Variants in GAS6 observed in about 807,000 individuals in gnomAD.
GAS6 encodes the protein growth arrest-specific protein 6.
In GAS6, 41 loss-of-function variants were observed where a neutral mutation model predicts 75.8. The observed-to-expected ratio is 0.54, with a 90% confidence interval of 0.42 to 0.70. GAS6 has a LOEUF of 0.70. Ranked by LOEUF, GAS6 falls within the 30% of genes least tolerant of loss-of-function variation. The pLI, the probability that GAS6 is intolerant of heterozygous loss-of-function variation, is 0.00. For missense variants in GAS6, 854 were observed against 940.2 expected, an observed-to-expected ratio of 0.91 and a Z score of 1.20; for synonymous variants, 432 against 412.6, an observed-to-expected ratio of 1.05 and a Z score of -0.57.
chr13:113,863,778 G>C lies in GAS6; in HGVS notation c.89-37C>G, dbSNP rs989732810. 7.0e-7 allele frequency: 1 copy of C among 1,428,524 alleles called. No individual in the cohort carries two copies. Among genetic ancestry groups the C allele is most frequent in the Non-Finnish European group, 9.1e-7 (1 of 1,101,938 alleles). 88.5% of individuals were successfully genotyped at this position (1,428,524 alleles called of 1,614,324 possible). A position where few individuals can be genotyped will look rare whatever the true frequency, so the allele number is the denominator to read the frequency against. Reference sequence around the variant, plus strand: ...GAGAGAGGGGGACGCGTCAAGCCGCGCCCGGAGCCTCCTCCCGCCGCCCGG... The same window carrying C: ...GAGAGAGGGGGACGCGTCAAGCCGCCCCCGGAGCCTCCTCCCGCCGCCCGG... On this transcript the variant is annotated intron_variant, in intron 1 of 14. Coordinates refer to ENST00000327773, the MANE Select transcript of GAS6 (RefSeq NM_000820.4). The surrounding 1 kb of genome is among the most constrained non-coding windows in gnomAD (Gnocchi z 9.4).
chr13:113,855,495 C>T (rs1038376345), intron 2 of GAS6, among the ~76,000 whole-genome samples: 1 of 152,204 alleles, frequency 6.6e-6, no homozygotes, highest in Admixed American at 6.5e-5. Flanking sequence ...ACGGCCTCTC[C>T]GGATCCACGG....
At chr13:113,851,230 G>C (rs1019033268) in intron 2 of GAS6, among the ~76,000 whole-genome samples, 1 of 151,844 alleles carries the variant, frequency 6.6e-6, no homozygotes, top group African/African-American at 2.4e-5. Context: ...TGGATGGATG[G>C]ATGAATGAAT....
At chr13:113,859,543 T>A (rs2051953748) in intron 2 of GAS6, among the ~76,000 whole-genome samples, 1 of 151,978 alleles carries the variant, frequency 6.6e-6, no homozygotes, top group Non-Finnish European at 1.5e-5. Flanking sequence ...TGTCTGTCAG[T>A]GTGTGTGTGT....
Position 113,848,069 on chromosome 13 carries a change from A to C in GAS6, c.256-19T>G. On this transcript the variant is annotated intron_variant, in intron 2 of 14. Transcript: ENST00000327773. The surrounding 1 kb of genome is among the most constrained non-coding windows in gnomAD (Gnocchi z 4.8). ...AATAATCCTGTGGAAAAAGAAAAAG[A>C]AAAGGCAAGCATTGACCGGCACACT... The C allele has an allele frequency of 6.2e-7, 1 of 1,612,546 alleles. No homozygotes were observed. Among genetic ancestry groups the C allele is most frequent in the Non-Finnish European group, 8.5e-7 (1 of 1,179,406 alleles).
intron 12 of GAS6, 65 bp from the exon 13 acceptor site, chr13:113,823,615 C>T: frequency 6.7e-7 from 1 of 1,493,120 alleles, no homozygotes; most frequent in Non-Finnish European, 9.1e-7. Flanking sequence ...GAGGTCGGAG[C>T]AGGGCCTCGA....
chr13:113,844,131 G>A lies in GAS6; in HGVS notation c.343+2396C>T, dbSNP rs1246026380. On this transcript the variant is annotated intron_variant, in intron 4 of 14. Coordinates refer to ENST00000327773, the MANE Select transcript of GAS6 (RefSeq NM_000820.4). This position sits in a 1 kb window ranked among gnomAD's most constrained non-coding sequence, Gnocchi z 5.7. ...CTCTGAGGGCCGGCTCAGGGAGAGT[G>A]GCCGGAGCTTCTGGCCTGGGGCAGG... 2 of 150,830 alleles carry A rather than the reference G, an allele frequency of 1.3e-5. No individual in the cohort carries two copies. Among genetic ancestry groups the A allele is most frequent in the African/African-American group, 5.0e-5 (2 of 40,194 alleles). 9.3% of individuals were successfully genotyped at this position (150,830 alleles called of 1,614,324 possible). A position where few individuals can be genotyped will look rare whatever the true frequency, so the allele number is the denominator to read the frequency against.
At position 113,837,906 on chromosome 13, in the gene GAS6, G is replaced by GTGC. The variant is rs1191319974; in HGVS notation, c.589+160_589+162dup. On this transcript the variant is annotated intron_variant, in intron 6 of 14. Coordinates refer to ENST00000327773, the MANE Select transcript of GAS6 (RefSeq NM_000820.4). The surrounding 1 kb of genome is among the most constrained non-coding windows in gnomAD (Gnocchi z 5.1). The stretch of plus-strand genomic sequence containing the variant: ...CTGGTGTGGTGCCGAGCAGCTCCCT[G>GTGC]TGCTGCGGCTGGCCTGGGCTTGTGT... Among the ~76,000 whole-genome samples, 1 of 152,142 alleles carries GTGC rather than the reference G, an allele frequency of 6.6e-6. No homozygotes were observed. The highest frequency in any genetic ancestry group is 1.5e-5 in the Non-Finnish European group (1 of 68,004).
At position 113,820,656 on chromosome 13, in the gene GAS6, G is replaced by T. The variant is rs776131229; in HGVS notation, c.*208C>A. The T allele has an allele frequency of 4.0e-4, 233 of 580,910 alleles. No individual in the cohort carries two copies. Among genetic ancestry groups the T allele is most frequent in the Non-Finnish European group, 6.6e-4 (218 of 328,666 alleles). The allele number at this position is 580,910 out of a possible 1,614,324, so 36.0% of individuals were successfully genotyped here. On this transcript the variant is annotated 3_prime_UTR_variant, in exon 15 of 15. Transcript: ENST00000327773. ...ATTTTCTTCGAGCCCGCTCTGCGCT[G>T]CGCCGGCCTCCCCGCGCCCGGGCCC...
At chr13:113,824,079 C>A (rs2051498845) in intron 12 of GAS6, among the ~76,000 whole-genome samples, 1 of 151,036 alleles carries the variant, frequency 6.6e-6, no homozygotes, top group South Asian at 2.1e-4. Flanking sequence ...GGTCTGGGGT[C>A]TGAGCTGTCA....
At chr13:113,861,604 A>C (rs1280086317) in intron 2 of GAS6, among the ~76,000 whole-genome samples, 1 of 152,152 alleles carries the variant, frequency 6.6e-6, no homozygotes, top group Non-Finnish European at 1.5e-5. Flanking sequence ...GGGTCTCCCA[A>C]GAGTGTGGCA....
chr13:113,853,330 T>C (rs1182866354), intron 2 of GAS6, among the ~76,000 whole-genome samples: 1 of 152,186 alleles, frequency 6.6e-6, no homozygotes, highest in African/African-American at 2.4e-5. Context: ...AGCCAGGGGA[T>C]TAAGGGCACG....
rs1489036301 is a variant in GAS6 at position 113,823,858 on chromosome 13, G to T, written c.1478-308C>A. Among the ~76,000 whole-genome samples, 8 of 150,064 alleles carry T rather than the reference G, an allele frequency of 5.3e-5. No individual in the cohort carries two copies. The East Asian group carries it at 1.5e-3, about 29-fold the overall frequency. ...ACAGGCTGTGCACCATGGGACGCAGGCCTGTCCCTGCCTCCCTCCGATGTC... is the reference window on the plus strand; with the variant it reads ...ACAGGCTGTGCACCATGGGACGCAGTCCTGTCCCTGCCTCCCTCCGATGTC... On this transcript the variant is annotated intron_variant, in intron 12 of 14. Coordinates refer to ENST00000327773, the MANE Select transcript of GAS6 (RefSeq NM_000820.4).
chr13:113,821,445 T>A (rs1469256474), intron 14 of GAS6: 2 of 231,014 alleles, frequency 8.7e-6, no homozygotes, highest in Admixed American at 5.0e-5. Context: ...AGCCGAGGAC[T>A]TGCCGGCTCC....
At chr13:113,831,322 C>A (rs2051627481) in intron 10 of GAS6, among the ~76,000 whole-genome samples, 1 of 152,186 alleles carries the variant, frequency 6.6e-6, no homozygotes, top group Admixed American at 6.5e-5. Context: ...GACCAGCAGG[C>A]CCTGGGAGCC....
rs111992520 is a variant in GAS6 at position 113,845,451 on chromosome 13, C to G, written c.343+1076G>C. 1 of 150,352 alleles carries G rather than the reference C, an allele frequency of 6.7e-6. No individual in the cohort carries two copies. Among genetic ancestry groups the G allele is most frequent in the African/African-American group, 2.5e-5 (1 of 39,888 alleles). 9.3% of individuals were successfully genotyped at this position (150,352 alleles called of 1,614,324 possible). ...CTGGACTTTCATCTAAAACTAGACACACGTGACGCCAGCGGACCACAGACC... is the reference window on the plus strand; with the variant it reads ...CTGGACTTTCATCTAAAACTAGACAGACGTGACGCCAGCGGACCACAGACC... On this transcript the variant is annotated intron_variant, in intron 4 of 14. Coordinates refer to ENST00000327773, the MANE Select transcript of GAS6 (RefSeq NM_000820.4). The surrounding 1 kb of genome is among the most constrained non-coding windows in gnomAD (Gnocchi z 4.3).
intron 2 of GAS6, among the ~76,000 whole-genome samples, chr13:113,860,345 G>A (rs1401039141): frequency 6.6e-6 from 1 of 152,212 alleles, no homozygotes; most frequent in Non-Finnish European, 1.5e-5. Context: ...AGGAACCACA[G>A]CCTGGATGAT....
At chr13:113,847,910 G>T in intron 3 of GAS6, 116 bp downstream of exon 3, 1 of 950,640 alleles carries the variant, frequency 1.1e-6, no homozygotes, top group Non-Finnish European at 1.7e-6. Flanking sequence ...CGTGCACCAT[G>T]TGATTAAGAA....
intron 3 of GAS6, 107 bp downstream of exon 3, chr13:113,847,919 A>G: frequency 9.6e-7 from 1 of 1,036,338 alleles, no homozygotes; most frequent in East Asian, 2.4e-5. Context: ...TGTGATTAAG[A>G]ATCTTCCTTC....
At chr13:113,858,605 ATG>A (rs1475043423) in intron 2 of GAS6, among the ~76,000 whole-genome samples, 15 of 145,468 alleles carry the variant, frequency 1.0e-4, no homozygotes, top group African/African-American at 3.1e-4. Flanking sequence ...GTATGTGTAC[ATG>A]TCTGTGTGTG....
Sources: gnomAD v4.1 joint callset for allele counts (sites outside exome capture counted in the v4.1 genomes callset) on GRCh38, gnomAD v4.1.1 for gene constraint, Gnocchi (gnomAD v3.1) non-coding constraint, MANE v1.5 for transcripts, NCBI Gene and HGNC (gene_info 2026-07-23, HGNC 2026-07-21) for gene names.